The following TPRG1 variants were observed in gnomAD, a reference collection of about 807,000 sequenced individuals.
TPRG1 encodes tumor protein p63-regulated gene 1 protein.
TPRG1 carries 29 observed loss-of-function variants against 29.3 expected under a neutral mutation model. The observed-to-expected ratio is 0.99, with a 90% CI of 0.74 to 1.35. The LOEUF (loss-of-function observed/expected upper bound fraction) is 1.35. TPRG1 is among the 40% of genes most tolerant of loss of function. TPRG1 has a pLI of 0.00. For synonymous variants in TPRG1, 130 were observed against 116.8 expected, an observed-to-expected ratio of 1.11 and a Z score of -0.73; for missense variants, 327 against 335.0, an observed-to-expected ratio of 0.98 and a Z score of 0.19.
At chr3:189,058,879 A>G (rs982071967) in intron 4 of TPRG1, among the ~76,000 whole-genome samples, 1 of 152,218 alleles carries the variant, frequency 6.6e-6, no homozygotes, top group African/African-American at 2.4e-5. Flanking sequence ...AGGCATACTT[A>G]GAAGCATTGA....
At chr3:189,289,299 C>T (rs1718600385) in intron 4 of TPRG1, among the ~76,000 whole-genome samples, 1 of 152,154 alleles carries the variant, frequency 6.6e-6, no homozygotes, top group Non-Finnish European at 1.5e-5. Flanking sequence ...CTTTCTCCCC[C>T]CGACCCCAAA....
chr3:189,094,639 A>G (rs1464699280), intron 4 of TPRG1, among the ~76,000 whole-genome samples: 2 of 152,158 alleles, frequency 1.3e-5, no homozygotes, highest in Admixed American at 1.3e-4. Flanking sequence ...AGCTGTTTGA[A>G]TTATAGCACT....
intron 3 of TPRG1, chr3:189,004,796 G>A (rs1712202032): frequency 6.6e-6 from 1 of 152,070 alleles, no homozygotes; most frequent in Admixed American, 6.6e-5. Flanking sequence ...TAGATCTGGG[G>A]ATTTAACCTC....
At chr3:189,080,197 A>G (rs1717496642) in intron 4 of TPRG1, among the ~76,000 whole-genome samples, 1 of 152,208 alleles carries the variant, frequency 6.6e-6, no homozygotes, top group South Asian at 2.1e-4. Context: ...ATCATGCTGG[A>G]TCTTTAAATA....
intron 3 of TPRG1, among the ~76,000 whole-genome samples, chr3:189,228,102 C>G (rs1173398649): frequency 6.6e-6 from 1 of 152,292 alleles, no homozygotes; most frequent in East Asian, 1.9e-4. Flanking sequence ...GCCTGGGCAA[C>G]AGAGCGAGAC....
upstream of TPRG1, among the ~76,000 whole-genome samples, chr3:189,170,318 G>A (rs1478120875): frequency 1.3e-5 from 2 of 152,172 alleles, no homozygotes; most frequent in African/African-American, 4.8e-5. Context: ...TCTGTATTAG[G>A]GAGGGGGCAT....
chr3:189,320,580 T>C, intron 5 of TPRG1, 46 bp from the exon 6 acceptor site: 1 of 1,527,610 alleles, frequency 6.5e-7, no homozygotes, highest in Non-Finnish European at 8.8e-7. Flanking sequence ...ATCTCTCAAC[T>C]TAATCTACAG....
chr3:189,211,602 T>C (rs905093549), intron 2 of TPRG1: 1 of 152,214 alleles, frequency 6.6e-6, no homozygotes. Context: ...CAACCTATTA[T>C]TTATTTTCTG....
At chr3:189,135,779 G>T (rs1172924583) in intron 3 of TPRG1, among the ~76,000 whole-genome samples, 26 of 152,244 alleles carry the variant, frequency 1.7e-4, no homozygotes, top group Non-Finnish European at 2.9e-5. Flanking sequence ...ATGCAGTGTA[G>T]TCCCTGTCAT....
intron 4 of TPRG1, among the ~76,000 whole-genome samples, chr3:189,300,568 G>A (rs1720671175): frequency 6.6e-6 from 1 of 152,188 alleles, no homozygotes; most frequent in South Asian, 2.1e-4. Flanking sequence ...TGGAAAGAAA[G>A]CAGGCTTAAT....
intron 3 of TPRG1, among the ~76,000 whole-genome samples, chr3:189,141,361 C>CTATT (rs1724529707): frequency 6.6e-6 from 1 of 151,298 alleles, no homozygotes; most frequent in Non-Finnish European, 1.5e-5. Context: ...GACATTCTAG[C>CTATT]CATTCATTCA....
chr3:189,126,357 G>T (rs1203803661), intron 1 of TPRG1, among the ~76,000 whole-genome samples: 1 of 152,106 alleles, frequency 6.6e-6, no homozygotes, highest in Non-Finnish European at 1.5e-5. Context: ...CCTTAGTTAA[G>T]GGAATCTGCT....
Position 189,283,148 on chromosome 3 carries a change from A to C in TPRG1, c.480-27238A>C, listed in dbSNP as rs73055983. Among the ~76,000 whole-genome samples the C allele has an allele frequency of 4.0e-3, 608 of 152,316 alleles. 4 individuals carry two copies. The highest frequency in any genetic ancestry group is 0.013 in the African/African-American group (559 of 41,552). ...TAGCCCATAATTTAAATTACCAGAGAGTTTATGTATTAATTATTAAAGGTT... is the reference window on the plus strand; with the variant it reads ...TAGCCCATAATTTAAATTACCAGAGCGTTTATGTATTAATTATTAAAGGTT... On this transcript the variant is annotated intron_variant, in intron 4 of 5. Transcript: ENST00000345063.
At chr3:189,250,082 G>C (rs768496440) in intron 4 of TPRG1, among the ~76,000 whole-genome samples, 2 of 152,084 alleles carry the variant, frequency 1.3e-5, no homozygotes, top group African/African-American at 2.4e-5. Flanking sequence ...TTTCCCATGA[G>C]ACATCCAATT....
At chr3:189,003,363 T>TG (rs759251808) in intron 2 of TPRG1, among the ~76,000 whole-genome samples, 8 of 152,178 alleles carry the variant, frequency 5.3e-5, no homozygotes, top group African/African-American at 7.2e-5. Flanking sequence ...TCTGTGTCAC[T>TG]GTCTCCTTAA....
At chr3:189,152,380 A>G (rs1218271276) in intron 5 of TPRG1, among the ~76,000 whole-genome samples, 1 of 152,166 alleles carries the variant, frequency 6.6e-6, no homozygotes, top group Non-Finnish European at 1.5e-5. Flanking sequence ...TCTACTATAC[A>G]GACATGGTCA....
intron 1 of TPRG1, among the ~76,000 whole-genome samples, chr3:189,205,295 A>G (rs1168201055): frequency 6.6e-6 from 1 of 152,254 alleles, no homozygotes; most frequent in Non-Finnish European, 1.5e-5. Context: ...AGCAAACTGC[A>G]TAAGGCTTTC....
At chr3:189,226,797 CA>C (rs1175619202) in intron 3 of TPRG1, among the ~76,000 whole-genome samples, 261 of 81,724 alleles carry the variant, frequency 3.2e-3, no homozygotes, top group Middle Eastern at 8.8e-3. Context: ...GCAAGGCTGA[CA>C]AAAAAAAAAA....
intron 4 of TPRG1, among the ~76,000 whole-genome samples, chr3:189,028,611 T>G (rs945162753): frequency 6.6e-6 from 1 of 152,204 alleles, no homozygotes. Flanking sequence ...TTTTTAGGGT[T>G]TGTAATTACC....
Sources: gnomAD v4.1 joint callset for allele counts (sites outside exome capture counted in the v4.1 genomes callset) on GRCh38, gnomAD v4.1.1 for gene constraint, MANE v1.5 for transcripts, NCBI Gene and HGNC (gene_info 2026-07-23, HGNC 2026-07-21) for gene names.